FRMD5: variants seen among roughly 807,000 people sequenced by gnomAD.
FRMD5 encodes FERM domain-containing protein 5.
In FRMD5, 20 loss-of-function variants were observed where a neutral mutation model predicts 69.0. The ratio of observed to expected loss-of-function variants is 0.29; its 90% CI spans 0.20 to 0.42. The LOEUF (loss-of-function observed/expected upper bound fraction) is 0.42, where lower values mean the gene tolerates loss of function less well. Ranked by LOEUF, FRMD5 falls within the 10% of genes least tolerant of loss-of-function variation. The pLI, the probability that FRMD5 is intolerant of heterozygous loss-of-function variation, is 1.00. For synonymous variants in FRMD5, 271 were observed against 260.1 expected (o/e 1.04, Z -0.40); for missense variants, 595 against 708.6 (o/e 0.84, Z 1.82).
intron 1 of FRMD5, among the ~76,000 whole-genome samples, chr15:44,077,728 T>C (rs1182979131): frequency 6.6e-6 from 1 of 152,032 alleles, no homozygotes; most frequent in Non-Finnish European, 1.5e-5. Flanking sequence ...CCAGAAAAGT[T>C]CCTTCAAATA....
intron 1 of FRMD5, among the ~76,000 whole-genome samples, chr15:44,092,272 C>A (rs1285942407): frequency 1.3e-5 from 2 of 152,102 alleles, no homozygotes; most frequent in African/African-American, 4.8e-5. Flanking sequence ...TAGCTCAGCT[C>A]AAAGGTCTTC....
chr15:44,007,147 C>A (rs1449946855), intron 1 of FRMD5, among the ~76,000 whole-genome samples: 1 of 152,134 alleles, frequency 6.6e-6, no homozygotes, highest in Non-Finnish European at 1.5e-5. Flanking sequence ...TTTTAACTTG[C>A]TGAAGGCTCA....
At position 44,171,894 on chromosome 15, in the gene FRMD5, G is replaced by A. The variant is rs188772560; in HGVS notation, c.102+23059C>T. On this transcript the variant is annotated intron_variant, in intron 1 of 13. Transcript: ENST00000417257. ...TTCTGGTGCCTCAGCCTCATGAGTA[G>A]CTGGGCTACAGGCGTGCGCCACCAT... Among the ~76,000 whole-genome samples, 195 of 152,290 alleles carry A rather than the reference G, an allele frequency of 1.3e-3. 2 individuals carry two copies. The highest frequency in any genetic ancestry group is 4.6e-3 in the African/African-American group (190 of 41,560).
chr15:44,027,693 C>T (rs1036778686), intron 1 of FRMD5, among the ~76,000 whole-genome samples: 7 of 148,864 alleles, frequency 4.7e-5, no homozygotes, highest in African/African-American at 1.0e-4. Flanking sequence ...CTCTGTTGCC[C>T]GGGCTGGAGT....
At chr15:44,030,163 G>A (rs1891615669) in intron 1 of FRMD5, among the ~76,000 whole-genome samples, 1 of 152,050 alleles carries the variant, frequency 6.6e-6, no homozygotes, top group Non-Finnish European at 1.5e-5. Flanking sequence ...GACTAAATGG[G>A]AATGAACATG....
intron 1 of FRMD5, among the ~76,000 whole-genome samples, chr15:44,034,055 AG>A (rs1337427707): frequency 6.6e-6 from 1 of 152,218 alleles, no homozygotes; most frequent in African/African-American, 2.4e-5. Flanking sequence ...AGACTCCAGG[AG>A]TCTGCCCAGT....
In FRMD5 at chr15:44,007,711, T is replaced by C. The variant is rs185360613; in HGVS notation, c.103-83402A>G. Among the ~76,000 whole-genome samples the C allele has an allele frequency of 5.2e-3, 722 of 140,088 alleles. 1 individual carries two copies. The highest frequency in any genetic ancestry group is 8.0e-3 in the Admixed American group (98 of 12,176). The allele number at this position is 140,088 out of a possible 152,430, so 91.9% of individuals were successfully genotyped here. ...CCCAGGCTGGAGTGCAATGGCGTGA[T>C]CTTGGCTCACCGCAACCTCCATCTC... On this transcript the variant is annotated intron_variant, in intron 1 of 13. Transcript: ENST00000417257.
chr15:43,884,687 T>G, intron 12 of FRMD5, 40 bp downstream of exon 12: 13 of 1,574,422 alleles, frequency 8.3e-6, no homozygotes, highest in Non-Finnish European at 1.1e-5. Flanking sequence ...TTCTGGGATC[T>G]GAGCTACAAC....
Position 43,873,880 on chromosome 15 carries a change from C to G in FRMD5, c.*5G>C. On this transcript the variant is annotated 3_prime_UTR_variant, in exon 14 of 14. Transcript: ENST00000417257. ...TGGCTAGTTTTTGGGAGGAGTCATG[C>G]CTTCTCAGGTGTCAATGAGCAGGCT... The G allele has an allele frequency of 6.2e-7, 1 of 1,612,326 alleles. No individual in the cohort carries two copies. Among genetic ancestry groups the G allele is most frequent in the Non-Finnish European group, 8.5e-7 (1 of 1,178,750 alleles).
At chr15:44,115,367 C>G (rs947932661) in intron 1 of FRMD5, among the ~76,000 whole-genome samples, 2 of 152,132 alleles carry the variant, frequency 1.3e-5, no homozygotes, top group African/African-American at 4.8e-5. Context: ...TGTCACATTG[C>G]ATTTTATTCT....
At chr15:44,111,285 CCATTACT>C (rs1298595659) in intron 1 of FRMD5, among the ~76,000 whole-genome samples, 1 of 152,176 alleles carries the variant, frequency 6.6e-6, no homozygotes, top group African/African-American at 2.4e-5. Flanking sequence ...TGAACAGACT[CCATTACT>C]CACTCATATA....
At chr15:44,081,747 A>C (rs991289640) in intron 1 of FRMD5, among the ~76,000 whole-genome samples, 6 of 152,076 alleles carry the variant, frequency 3.9e-5, no homozygotes, top group African/African-American at 1.4e-4. Context: ...AATAGCTTAC[A>C]AGGTAATTTA....
At chr15:44,078,285 A>G (rs1444368280) in intron 1 of FRMD5, among the ~76,000 whole-genome samples, 1 of 152,112 alleles carries the variant, frequency 6.6e-6, no homozygotes, top group Admixed American at 6.6e-5. Flanking sequence ...GTAGCCCTAT[A>G]CTGGCTTAAA....
At chr15:43,977,947 C>T (rs1299972054) in intron 1 of FRMD5, among the ~76,000 whole-genome samples, 1 of 152,148 alleles carries the variant, frequency 6.6e-6, no homozygotes, top group East Asian at 1.9e-4. Flanking sequence ...TTTACCACAT[C>T]CTTCCCCTGC....
chr15:44,156,757 T>C (rs1382312076), intron 1 of FRMD5, among the ~76,000 whole-genome samples: 1 of 152,180 alleles, frequency 6.6e-6, no homozygotes, highest in East Asian at 1.9e-4. Flanking sequence ...CATTATATGT[T>C]TGGTGCTGTA....
intron 1 of FRMD5, among the ~76,000 whole-genome samples, chr15:44,178,993 GAAATAAATAAAT>G (rs58781373): frequency 9.9e-5 from 15 of 151,514 alleles, no homozygotes; most frequent in African/African-American, 2.9e-4. Context: ...ACTCTGTCTT[GAAATAAATAAAT>G]AAATAAATAA....
chr15:44,123,615 T>C (rs1424694401), intron 1 of FRMD5, among the ~76,000 whole-genome samples: 1 of 152,126 alleles, frequency 6.6e-6, no homozygotes, highest in Non-Finnish European at 1.5e-5. Flanking sequence ...AATCAACTTT[T>C]ATAAAAAGCA....
intron 11 of FRMD5, 57 bp from the exon 12 acceptor site, chr15:43,884,852 C>G (rs1054275860): frequency 9.0e-6 from 13 of 1,440,416 alleles, no homozygotes; most frequent in Non-Finnish European, 1.3e-5. Flanking sequence ...TGTAGGACAG[C>G]TCCTCTCCAA....
At chr15:44,007,185 C>G (rs1890490569) in intron 1 of FRMD5, among the ~76,000 whole-genome samples, 1 of 151,678 alleles carries the variant, frequency 6.6e-6, no homozygotes, top group African/African-American at 2.4e-5. Flanking sequence ...TTTTTTTTAG[C>G]AACAAAGCAT....
Sources: gnomAD v4.1 joint callset for allele counts (sites outside exome capture counted in the v4.1 genomes callset) on GRCh38, gnomAD v4.1.1 for gene constraint, MANE v1.5 for transcripts, NCBI Gene and HGNC (gene_info 2026-07-23, HGNC 2026-07-21) for gene names.